NUP93: variants seen among roughly 807,000 people sequenced by gnomAD.
The protein encoded by NUP93 is nucleoporin 93.
NUP93 carries 55 observed loss-of-function variants against 107.8 expected under a neutral mutation model. The ratio of observed to expected loss-of-function variants is 0.51; its 90% CI spans 0.41 to 0.64. The LOEUF (loss-of-function observed/expected upper bound fraction) is 0.64, where lower values mean the gene tolerates loss of function less well. NUP93 is among the 30% of genes least tolerant of loss of function. The pLI is 0.00. For missense variants in NUP93, 937 were observed against 1,044.7 expected, an observed-to-expected ratio of 0.90 and a Z score of 1.42; for synonymous variants, 390 against 397.5, an observed-to-expected ratio of 0.98 and a Z score of 0.22.
intron 5 of NUP93, among the ~76,000 whole-genome samples, chr16:56,807,828 C>T (rs1963176586): frequency 6.6e-6 from 1 of 151,730 alleles, no homozygotes; most frequent in Non-Finnish European, 1.5e-5. Context: ...CAAGACCATC[C>T]TGGCCAACAT....
chr16:56,809,133 A>G (rs1963256667), intron 5 of NUP93, among the ~76,000 whole-genome samples: 1 of 152,102 alleles, frequency 6.6e-6, no homozygotes, highest in South Asian at 2.1e-4. Context: ...TACATCCAGG[A>G]GCAGCAAAAA....
intron 3 of NUP93, among the ~76,000 whole-genome samples, chr16:56,785,485 C>G (rs1962606402): frequency 1.3e-5 from 2 of 152,228 alleles, no homozygotes; most frequent in South Asian, 4.1e-4. Context: ...AAATTTTAGC[C>G]TGGCTGATAG....
intron 5 of NUP93, among the ~76,000 whole-genome samples, chr16:56,818,084 A>G (rs1176991828): frequency 1.3e-5 from 2 of 152,194 alleles, no homozygotes; most frequent in Admixed American, 6.5e-5. Flanking sequence ...GGATATATGT[A>G]CAGCTGTGTA....
In NUP93 at chr16:56,829,069, T is replaced by A; in HGVS notation, c.887T>A (p.Phe296Tyr). The A allele has an allele frequency of 6.2e-7, 1 of 1,613,304 alleles. No individual in the cohort carries two copies. Among genetic ancestry groups the A allele is most frequent in the Non-Finnish European group, 8.5e-7 (1 of 1,179,798 alleles). Residue 296 changes from phenylalanine to tyrosine, a missense_variant, in exon 9 of 22, where the codon TTC becomes TAC. Transcript: ENST00000308159. ...GGGACTTACCAATTGGTTCGAAGTT[T>A]CCTGAACATTAAACTGCCAGCTCCC... ...VPGTYQLVRS[F>Y]LNIKLPAPLP...
intron 7 of NUP93, among the ~76,000 whole-genome samples, chr16:56,822,448 G>A (rs1286663670): frequency 6.6e-6 from 1 of 151,366 alleles, no homozygotes; most frequent in Non-Finnish European, 1.5e-5. Context: ...GGGGGGCCCA[G>A]GCTGCAGTGA....
chr16:56,782,152 G>A (rs1417622508), intron 3 of NUP93: 1 of 985,240 alleles, frequency 1.0e-6, no homozygotes, highest in Non-Finnish European at 1.2e-6. Flanking sequence ...AAGAAGGTTT[G>A]GAAGAGCTGC....
At chr16:56,800,019 C>A (rs1176544952) in intron 4 of NUP93, among the ~76,000 whole-genome samples, 1 of 152,126 alleles carries the variant, frequency 6.6e-6, no homozygotes, top group Non-Finnish European at 1.5e-5. Context: ...CCTGTCTCTA[C>A]TAAAAATACA....
At chr16:56,776,156 CTT>C (rs1169696803) in intron 3 of NUP93, among the ~76,000 whole-genome samples, 4 of 151,516 alleles carry the variant, frequency 2.6e-5, no homozygotes, top group African/African-American at 7.3e-5. Flanking sequence ...TCATAGAAAA[CTT>C]TGAGAAAGCT....
intron 5 of NUP93, among the ~76,000 whole-genome samples, chr16:56,813,674 C>G (rs1050910011): frequency 6.6e-6 from 1 of 152,210 alleles, no homozygotes; most frequent in Non-Finnish European, 1.5e-5. Context: ...TCCAGTTTCT[C>G]CCAGGGGCTT....
chr16:56,839,861 G>GTTTC, intron 20 of NUP93: 1 of 446,788 alleles, frequency 2.2e-6, no homozygotes, highest in South Asian at 2.3e-5. Flanking sequence ...GGAGAAACAG[G>GTTTC]TTTCTGGTTG....
At chr16:56,779,380 G>A (rs1157382489) in intron 3 of NUP93, among the ~76,000 whole-genome samples, 12 of 152,130 alleles carry the variant, frequency 7.9e-5, no homozygotes, top group African/African-American at 2.9e-4. Flanking sequence ...TGCTGGACCC[G>A]TTAGTTTTTA....
intron 3 of NUP93, among the ~76,000 whole-genome samples, chr16:56,785,549 C>T (rs1182381003): frequency 6.6e-6 from 1 of 152,236 alleles, no homozygotes; most frequent in Non-Finnish European, 1.5e-5. Context: ...TGTATCAAAC[C>T]TTTTACTGCT....
chr16:56,741,557 T>A (rs1032536710), intron 1 of NUP93, among the ~76,000 whole-genome samples: 1 of 152,232 alleles, frequency 6.6e-6, no homozygotes, highest in African/African-American at 2.4e-5. Context: ...TTACTGTTAT[T>A]AAAAACAGTA....
intron 8 of NUP93, among the ~76,000 whole-genome samples, chr16:56,825,973 A>G (rs1055038108): frequency 3.9e-5 from 6 of 152,260 alleles, no homozygotes; most frequent in African/African-American, 1.4e-4. Flanking sequence ...ACCAGGCCCA[A>G]ATAATTTTTC....
chr16:56,845,218 T>C lies in NUP93; in HGVS notation c.*609T>C, dbSNP rs368009723. 6.1e-6 allele frequency: 1 copy of C among 164,042 alleles called. No homozygotes were observed. Among genetic ancestry groups the C allele is most frequent in the East Asian group, 1.3e-4 (1 of 7,426 alleles). 10.2% of individuals were successfully genotyped at this position (164,042 alleles called of 1,614,324 possible). A position where few individuals can be genotyped will look rare whatever the true frequency, so the allele number is the denominator to read the frequency against. ...TGCAATCCCAGTGGAGATAAAAGCA[T>C]AGACCTAGAAAAAGCCTTAAGAAGG... On this transcript the variant is annotated 3_prime_UTR_variant, in exon 22 of 22. Coordinates refer to ENST00000308159, the MANE Select transcript of NUP93 (RefSeq NM_014669.5).
intron 5 of NUP93, among the ~76,000 whole-genome samples, chr16:56,808,522 ATAT>A (rs1963222517): frequency 8.0e-6 from 1 of 124,706 alleles, no homozygotes; most frequent in African/African-American, 3.2e-5. Flanking sequence ...ATGTAACTAT[ATAT>A]AAATATAGTT....
intron 8 of NUP93, among the ~76,000 whole-genome samples, chr16:56,827,992 C>T (rs780786134): frequency 3.3e-5 from 5 of 151,978 alleles, no homozygotes; most frequent in Admixed American, 6.5e-5. Flanking sequence ...TGGTGGCCCA[C>T]GCCTGTAATC....
chr16:56,815,123 A>T (rs1411260665), intron 5 of NUP93, among the ~76,000 whole-genome samples: 2 of 152,268 alleles, frequency 1.3e-5, no homozygotes, highest in Non-Finnish European at 2.9e-5. Context: ...GGATAATTTT[A>T]AAAATTAGGT....
At chr16:56,802,614 T>C (rs1963045525) in intron 4 of NUP93, among the ~76,000 whole-genome samples, 1 of 152,230 alleles carries the variant, frequency 6.6e-6, no homozygotes, top group African/African-American at 2.4e-5. Flanking sequence ...TCTGATGTCC[T>C]TTTTCACATT....
Sources: gnomAD v4.1 joint callset for allele counts (sites outside exome capture counted in the v4.1 genomes callset) on GRCh38, gnomAD v4.1.1 for gene constraint, MANE v1.5 for transcripts, NCBI Gene and HGNC (gene_info 2026-07-23, HGNC 2026-07-21) for gene names.